The following EFR3A variants were observed in gnomAD, a reference collection of about 807,000 sequenced individuals.
EFR3A encodes protein EFR3 homolog A.
EFR3A carries 76 observed loss-of-function variants against 104.4 expected under a neutral mutation model. The observed-to-expected ratio is 0.73, with a 90% CI of 0.60 to 0.88. The LOEUF (loss-of-function observed/expected upper bound fraction) is 0.88, where lower values mean the gene tolerates loss of function less well. Ranked by LOEUF, EFR3A falls within the 40% of genes least tolerant of loss-of-function variation. The pLI is 0.00. For missense variants in EFR3A, 985 were observed against 1,012.5 expected (o/e 0.97, Z 0.37); for synonymous variants, 330 against 330.0 (o/e 1.00, Z 0.00).
At chr8:132,004,744 G>A (rs1821952030) in intron 22 of EFR3A, among the ~76,000 whole-genome samples, 1 of 152,156 alleles carries the variant, frequency 6.6e-6, no homozygotes, top group Admixed American at 6.5e-5. Context: ...CTGAAAGGTA[G>A]GTAGACACTA....
At chr8:131,986,103 TG>T (rs1230779294) in intron 16 of EFR3A, 90 bp from the exon 17 acceptor site, 6 of 545,558 alleles carry the variant, frequency 1.1e-5, no homozygotes, top group South Asian at 7.1e-5. Context: ...TGTTTAAAGT[TG>T]TTTTTTTTTA....
intron 1 of EFR3A, among the ~76,000 whole-genome samples, chr8:131,934,511 C>G (rs191761615): frequency 6.6e-6 from 1 of 152,078 alleles, no homozygotes; most frequent in African/African-American, 2.4e-5. Context: ...TGTTTTAAAA[C>G]TTAATTTTTA....
chr8:132,004,922 A>G (rs1821959622), intron 22 of EFR3A, among the ~76,000 whole-genome samples: 2 of 152,246 alleles, frequency 1.3e-5, no homozygotes, highest in Admixed American at 1.3e-4. Context: ...AAACTAACAT[A>G]ACTATATGAA....
chr8:131,976,257 A>C (rs949392107), intron 11 of EFR3A, 116 bp downstream of exon 11: 2 of 700,008 alleles, frequency 2.9e-6, no homozygotes, highest in Non-Finnish European at 4.9e-6. Context: ...TAGCATTCCT[A>C]TGGAAAGCAG....
intron 14 of EFR3A, among the ~76,000 whole-genome samples, chr8:131,983,597 A>G (rs964234612): frequency 3.2e-4 from 48 of 152,004 alleles, no homozygotes; most frequent in African/African-American, 1.0e-3. Flanking sequence ...GGGAGTTTCT[A>G]TAACCTCTTC....
intron 10 of EFR3A, among the ~76,000 whole-genome samples, chr8:131,975,411 T>TG: frequency 1.3e-5 from 1 of 79,452 alleles, no homozygotes; most frequent in East Asian, 5.1e-4. Flanking sequence ...TTTTTTTTCC[T>TG]ATTTTTTTTT....
intron 3 of EFR3A, among the ~76,000 whole-genome samples, chr8:131,945,168 G>A (rs1270229424): frequency 6.6e-6 from 1 of 151,828 alleles, no homozygotes; most frequent in Non-Finnish European, 1.5e-5. Flanking sequence ...GACTCACTTA[G>A]TCTATCAGTG....
chr8:131,975,769 CACTGTTATAATTATATAAAAA>C (rs1820296849), intron 10 of EFR3A, among the ~76,000 whole-genome samples: 1 of 152,044 alleles, frequency 6.6e-6, no homozygotes, highest in Non-Finnish European at 1.5e-5. Flanking sequence ...CCCGGTTTGT[CACTGTTATAATTATATAAAAA>C]AAGACTTTGA....
At chr8:132,008,900 C>T (rs1027835748) in intron 22 of EFR3A, among the ~76,000 whole-genome samples, 1 of 137,584 alleles carries the variant, frequency 7.3e-6, no homozygotes, top group Non-Finnish European at 1.5e-5. Flanking sequence ...CTCTATTGGG[C>T]TGTGATTTAC....
chr8:131,937,447 A>G (rs1277270449), intron 1 of EFR3A, among the ~76,000 whole-genome samples: 1 of 152,054 alleles, frequency 6.6e-6, no homozygotes, highest in Non-Finnish European at 1.5e-5. Context: ...TTTGGTTATA[A>G]TTTATCCACT....
intron 19 of EFR3A, among the ~76,000 whole-genome samples, chr8:131,998,902 TA>T (rs1370940467): frequency 6.6e-6 from 1 of 151,988 alleles, no homozygotes; most frequent in African/African-American, 2.4e-5. Flanking sequence ...CACACATTTT[TA>T]TAACGATACC....
Position 131,904,271 on chromosome 8 carries a change from C to T in EFR3A, c.-42C>T. 7.8e-7 allele frequency: 1 copy of T among 1,281,530 alleles called. No individual in the cohort carries two copies. The highest frequency in any genetic ancestry group is 2.7e-4 in the Middle Eastern group (1 of 3,766). The allele number at this position is 1,281,530 out of a possible 1,614,324, so 79.4% of individuals were successfully genotyped here. On this transcript the variant is annotated 5_prime_UTR_variant, in exon 1 of 23. Coordinates refer to ENST00000254624, the MANE Select transcript of EFR3A (RefSeq NM_015137.6). ...TGCCGTCGGCGCTCCCTGCGCGGCC[C>T]CGCTGAGCCTCGGTGCGGCGGCGAG...
intron 22 of EFR3A, among the ~76,000 whole-genome samples, chr8:132,006,314 T>G (rs1822049491): frequency 6.6e-6 from 1 of 152,080 alleles, no homozygotes; most frequent in East Asian, 1.9e-4. Flanking sequence ...TTGGTAAACC[T>G]CTGGTCAGTG....
At chr8:131,933,219 T>C (rs1817704451) in intron 1 of EFR3A, among the ~76,000 whole-genome samples, 2 of 152,186 alleles carry the variant, frequency 1.3e-5, no homozygotes, top group African/African-American at 2.4e-5. Context: ...CCTCTGTAGA[T>C]TGGGACACCG....
At chr8:131,912,944 T>C (rs1167602977) in intron 1 of EFR3A, among the ~76,000 whole-genome samples, 1 of 151,644 alleles carries the variant, frequency 6.6e-6, no homozygotes, top group Non-Finnish European at 1.5e-5. Context: ...ATTATGTTGT[T>C]CAGGAATAGG....
intron 7 of EFR3A, among the ~76,000 whole-genome samples, chr8:131,958,845 G>A (rs578169243): frequency 4.2e-4 from 64 of 152,022 alleles, no homozygotes; most frequent in Non-Finnish European, 7.1e-4. Context: ...TCAAGTGCTG[G>A]CTGCGCCCTG....
At chr8:131,995,886 A>G (rs1249859393) in intron 18 of EFR3A, among the ~76,000 whole-genome samples, 1 of 152,196 alleles carries the variant, frequency 6.6e-6, no homozygotes, top group Non-Finnish European at 1.5e-5. Context: ...AGGAGATATT[A>G]ATTGAAACAG....
rs770392172 is a variant in EFR3A, at chr8:131,976,113, A to C, written c.1246A>C (p.Thr416Pro). Residue 416 changes from threonine (T) to proline (P), a missense_variant, in exon 11 of 23, where the codon ACC becomes CCC. Thr to Pro is a conservative substitution (Grantham distance 38, BLOSUM62 -1). Coordinates refer to ENST00000254624, the MANE Select transcript of EFR3A (RefSeq NM_015137.6). ...GAAAGTACCTGTCTTTGGAACATCT[A>C]CCCATACTTTGGATATCAGTCAACT... ...MGKVPVFGTS[T>P]HTLDISQLGD... The C allele has an allele frequency of 2.5e-6, 4 of 1,599,926 alleles. No homozygotes were observed. Among genetic ancestry groups the C allele is most frequent in the Non-Finnish European group, 3.4e-6 (4 of 1,171,622 alleles).
chr8:131,908,928 A>G (rs1017768370), intron 1 of EFR3A, among the ~76,000 whole-genome samples: 11 of 152,222 alleles, frequency 7.2e-5, no homozygotes, highest in Admixed American at 3.3e-4. Flanking sequence ...GTGTGTAACA[A>G]TCAGGTCAGG....
Sources: gnomAD v4.1 joint callset for allele counts (sites outside exome capture counted in the v4.1 genomes callset) on GRCh38, gnomAD v4.1.1 for gene constraint, MANE v1.5 for transcripts, NCBI Gene and HGNC (gene_info 2026-07-23, HGNC 2026-07-21) for gene names.